PDCD1LG2: variants seen among roughly 807,000 people sequenced by gnomAD.
PDCD1LG2 encodes B7 dendritic cell molecule.
In PDCD1LG2, 32 loss-of-function variants were observed where a neutral mutation model predicts 28.2. The ratio of observed to expected loss-of-function variants is 1.13; its 90% CI spans 0.86 to 1.52. PDCD1LG2 has a LOEUF of 1.52. PDCD1LG2 is among the 40% of genes most tolerant of loss of function. The probability of loss-of-function intolerance (pLI) is 0.00; values close to 1 mark genes in which losing one functional copy is unlikely to be tolerated. For missense variants in PDCD1LG2, 385 were observed against 323.8 expected, an observed-to-expected ratio of 1.19 and a Z score of -1.45; for synonymous variants, 116 against 120.2, an observed-to-expected ratio of 0.97 and a Z score of 0.23.
chr9:5,520,127 C>A (rs2129713326), intron 1 of PDCD1LG2, among the ~76,000 whole-genome samples: 1 of 152,122 alleles, frequency 6.6e-6, no homozygotes, highest in South Asian at 2.1e-4. Context: ...GAATAGCCCC[C>A]TAAAAAAAAA....
intron 3 of PDCD1LG2, among the ~76,000 whole-genome samples, chr9:5,542,135 G>A (rs550207392): frequency 6.6e-6 from 1 of 152,246 alleles, no homozygotes; most frequent in African/African-American, 2.4e-5. Context: ...GCCACATGGA[G>A]AAGAATAAAC....
chr9:5,531,946 T>C (rs1820492093), intron 2 of PDCD1LG2, among the ~76,000 whole-genome samples: 1 of 152,196 alleles, frequency 6.6e-6, no homozygotes, highest in Admixed American at 6.5e-5. Context: ...CAAGGACAGA[T>C]TGGATTTGGT....
chr9:5,545,736 G>C (rs1816190809), intron 3 of PDCD1LG2, among the ~76,000 whole-genome samples: 2 of 152,044 alleles, frequency 1.3e-5, no homozygotes, highest in Admixed American at 6.6e-5. Flanking sequence ...TAAGAAAATA[G>C]AAAATCTGAA....
intron 1 of PDCD1LG2, among the ~76,000 whole-genome samples, chr9:5,517,887 A>G (rs1250327456): frequency 6.6e-6 from 1 of 152,204 alleles, no homozygotes; most frequent in Non-Finnish European, 1.5e-5. Flanking sequence ...GGAGCAGAGG[A>G]AGGCAAGACT....
intron 2 of PDCD1LG2, among the ~76,000 whole-genome samples, chr9:5,527,291 C>T (rs1031289443): frequency 1.3e-5 from 2 of 151,700 alleles, no homozygotes; most frequent in African/African-American, 4.8e-5. Context: ...CATCCCTTGC[C>T]AAACAAACAA....
chr9:5,524,170 A>C (rs1820328307), intron 2 of PDCD1LG2, among the ~76,000 whole-genome samples: 1 of 152,236 alleles, frequency 6.6e-6, no homozygotes, highest in African/African-American at 2.4e-5. Context: ...ACTAGAACTC[A>C]GAAAAGGTAC....
intron 3 of PDCD1LG2, among the ~76,000 whole-genome samples, chr9:5,538,001 A>C (rs2129813500): frequency 6.6e-6 from 1 of 152,370 alleles, no homozygotes; most frequent in South Asian, 2.1e-4. Flanking sequence ...AACGATAATC[A>C]ATACAAAATC....
chr9:5,555,537 G>A (rs139124657), intron 4 of PDCD1LG2, among the ~76,000 whole-genome samples: 29 of 152,308 alleles, frequency 1.9e-4, no homozygotes, highest in African/African-American at 2.4e-4. Flanking sequence ...AAGAGACCTC[G>A]AAATACAGTG....
intron 1 of PDCD1LG2, among the ~76,000 whole-genome samples, chr9:5,512,181 C>T (rs924500269): frequency 1.3e-5 from 2 of 152,156 alleles, no homozygotes; most frequent in African/African-American, 4.8e-5. Context: ...CCAAATATGT[C>T]ATATGTCTTA....
chr9:5,557,535 C>T (rs1816469914), intron 4 of PDCD1LG2, 83 bp from the exon 5 acceptor site: 2 of 1,497,220 alleles, frequency 1.3e-6, no homozygotes, highest in Non-Finnish European at 1.8e-6. Context: ...GCCGTGTTGG[C>T]TGTCACCCAC....
At position 5,563,413 on chromosome 9, in the gene PDCD1LG2, C is replaced by T. The variant is rs1816605596; in HGVS notation, c.816+202C>T. On this transcript the variant is annotated intron_variant, in intron 6 of 6. Coordinates refer to ENST00000397747, the MANE Select transcript of PDCD1LG2 (RefSeq NM_025239.4). ...GCCATCTTTTGCTCGGTCTATATTC[C>T]TAAGCACTCCTAGATGATACTGCAC... 2.6e-5 allele frequency among the ~76,000 whole-genome samples: 4 copies of T among 152,276 alleles called. No individual in the cohort carries two copies. In the South Asian group the frequency reaches 8.3e-4, roughly 32 times the overall value.
intron 3 of PDCD1LG2, among the ~76,000 whole-genome samples, chr9:5,543,044 G>C (rs1290026891): frequency 6.6e-6 from 1 of 152,084 alleles, no homozygotes; most frequent in East Asian, 1.9e-4. Context: ...CTATGAAAAG[G>C]AATGAAATCA....
At chr9:5,556,971 G>A (rs557927949) in intron 4 of PDCD1LG2, among the ~76,000 whole-genome samples, 9 of 152,292 alleles carry the variant, frequency 5.9e-5, no homozygotes, top group Admixed American at 2.6e-4. Flanking sequence ...TTGAAAAACC[G>A]AAACAAGGCA....
chr9:5,546,642 A>C (rs946772192), intron 3 of PDCD1LG2, among the ~76,000 whole-genome samples: 1 of 152,184 alleles, frequency 6.6e-6, no homozygotes, highest in Admixed American at 6.5e-5. Context: ...CTATCTGCTT[A>C]TGTTGCACCA....
At chr9:5,547,774 T>C (rs1469252846) in intron 3 of PDCD1LG2, among the ~76,000 whole-genome samples, 1 of 151,726 alleles carries the variant, frequency 6.6e-6, no homozygotes, top group Non-Finnish European at 1.5e-5. Flanking sequence ...CCATCTCTAC[T>C]GAAAATAGAA....
At chr9:5,555,907 A>T (rs1586817350) in intron 4 of PDCD1LG2, among the ~76,000 whole-genome samples, 1 of 152,210 alleles carries the variant, frequency 6.6e-6, no homozygotes, top group East Asian at 1.9e-4. Flanking sequence ...CTAATACTAA[A>T]GTTGAAAGAA....
chr9:5,541,679 A>G (rs919255654), intron 3 of PDCD1LG2, among the ~76,000 whole-genome samples: 1 of 152,178 alleles, frequency 6.6e-6, no homozygotes, highest in Non-Finnish European at 1.5e-5. Context: ...GATGACACAA[A>G]CAAATGGAAA....
chr9:5,568,239 C>G (rs1816704471), intron 6 of PDCD1LG2, among the ~76,000 whole-genome samples: 2 of 152,204 alleles, frequency 1.3e-5, no homozygotes, highest in Non-Finnish European at 2.9e-5. Context: ...GCAGGGGTCC[C>G]CAACCTCTGG....
At chr9:5,531,412 A>T (rs1820481908) in intron 2 of PDCD1LG2, among the ~76,000 whole-genome samples, 1 of 152,206 alleles carries the variant, frequency 6.6e-6, no homozygotes, top group Non-Finnish European at 1.5e-5. Flanking sequence ...ACCAAGTAAC[A>T]ATTAATCTTC....
Sources: gnomAD v4.1 joint callset for allele counts (sites outside exome capture counted in the v4.1 genomes callset) on GRCh38, gnomAD v4.1.1 for gene constraint, MANE v1.5 for transcripts, NCBI Gene and HGNC (gene_info 2026-07-23, HGNC 2026-07-21) for gene names.